Variants in RORA observed in about 807,000 individuals in gnomAD.
RORA encodes the protein RAR related orphan receptor A.
A neutral mutation model predicts 69.5 loss-of-function variants in RORA; 7 were observed. The ratio of observed to expected loss-of-function variants is 0.10; its 90% CI spans 0.06 to 0.19. RORA has a LOEUF of 0.19. RORA is among the 10% of genes least tolerant of loss of function. The pLI is 1.00. For missense variants in RORA, 457 were observed against 663.0 expected (o/e 0.69, Z 3.41); for synonymous variants, 261 against 240.8 (o/e 1.08, Z -0.78).
At chr15:60,759,745 G>A (rs924613087) in intron 1 of RORA, among the ~76,000 whole-genome samples, 4 of 152,230 alleles carry the variant, frequency 2.6e-5, no homozygotes, top group Admixed American at 2.0e-4. Context: ...GGAGCTGCCA[G>A]TTTCATTTTC....
chr15:60,518,307 C>T (rs571442080), intron 3 of RORA, among the ~76,000 whole-genome samples: 14 of 152,324 alleles, frequency 9.2e-5, no homozygotes, highest in African/African-American at 2.9e-4. Context: ...TAATAAAGTC[C>T]AAGACTGTTA....
rs28470535 is a variant in RORA, at chr15:60,523,589, G to A, written c.282+8177C>T. Reference sequence around the variant, plus strand: ...TGCTGTGTCACCAGCTCTCCATCACGTTGTTTCAATGCTTCCCCCTGACTT... The same window carrying A: ...TGCTGTGTCACCAGCTCTCCATCACATTGTTTCAATGCTTCCCCCTGACTT... On this transcript the variant is annotated intron_variant, in intron 3 of 10. Transcript: ENST00000335670. Among the ~76,000 whole-genome samples the A allele has an allele frequency of 3.8e-3, 577 of 152,236 alleles. 3 individuals carry two copies. Among genetic ancestry groups the A allele is most frequent in the African/African-American group, 0.013 (538 of 41,546 alleles).
chr15:60,553,671 A>G (rs527721803), intron 2 of RORA, among the ~76,000 whole-genome samples: 1 of 152,294 alleles, frequency 6.6e-6, no homozygotes, highest in South Asian at 2.1e-4. Context: ...GGCAGGGCAT[A>G]CATTTCCCCT....
chr15:60,726,647 T>C (rs964993829), intron 1 of RORA, among the ~76,000 whole-genome samples: 3 of 152,216 alleles, frequency 2.0e-5, no homozygotes, highest in Non-Finnish European at 4.4e-5. Flanking sequence ...TACAGCCTCG[T>C]CTGCATGTGT....
intron 1 of RORA, among the ~76,000 whole-genome samples, chr15:60,773,460 G>T (rs1567185639): frequency 6.6e-6 from 1 of 152,098 alleles, no homozygotes; most frequent in Non-Finnish European, 1.5e-5. Flanking sequence ...CGCAATCACA[G>T]CTGAGTTATG....
intron 1 of RORA, among the ~76,000 whole-genome samples, chr15:60,719,228 A>T (rs888078594): frequency 6.6e-6 from 1 of 152,106 alleles, no homozygotes; most frequent in African/African-American, 2.4e-5. Context: ...ATTTAAAAAT[A>T]TATACAGTGA....
At chr15:60,575,539 CA>C (rs945694661) in intron 2 of RORA, among the ~76,000 whole-genome samples, 3 of 148,006 alleles carry the variant, frequency 2.0e-5, no homozygotes, top group African/African-American at 2.5e-5. Context: ...ATATGATTTA[CA>C]AAAAAAAAAT....
At chr15:61,081,807 C>CA (rs59591650) in intron 1 of RORA, among the ~76,000 whole-genome samples, 27,685 of 105,310 alleles carry the variant, frequency 0.26, 2,970 homozygotes, top group Middle Eastern at 0.37. Context: ...GACTCTGTCT[C>CA]AAAAAAAAAA....
At chr15:60,733,238 T>C (rs928267057) in intron 1 of RORA, among the ~76,000 whole-genome samples, 2 of 152,236 alleles carry the variant, frequency 1.3e-5, no homozygotes, top group Non-Finnish European at 2.9e-5. Context: ...CCCCCTGCTT[T>C]CTTGGGGTGA....
intron 2 of RORA, chr15:60,615,165 G>C: frequency 1.8e-6 from 2 of 1,090,298 alleles, no homozygotes; most frequent in Non-Finnish European, 2.6e-6. Flanking sequence ...CTTAGTGCTA[G>C]TGCACTTGGC....
intron 1 of RORA, among the ~76,000 whole-genome samples, chr15:61,148,937 G>C (rs1377187740): frequency 1.3e-5 from 2 of 152,192 alleles, no homozygotes; most frequent in African/African-American, 2.4e-5. Context: ...AGGGGCAGCT[G>C]CATCTACGGA....
At chr15:61,183,710 T>C (rs1217447277) in intron 1 of RORA, among the ~76,000 whole-genome samples, 2 of 152,178 alleles carry the variant, frequency 1.3e-5, no homozygotes, top group Non-Finnish European at 2.9e-5. Flanking sequence ...TACCCATCTC[T>C]TAAAAATGGT....
At chr15:61,041,564 C>A (rs1458726816) in intron 1 of RORA, among the ~76,000 whole-genome samples, 1 of 152,086 alleles carries the variant, frequency 6.6e-6, no homozygotes, top group African/African-American at 2.4e-5. Context: ...CATTTATTTA[C>A]TTTATTTATT....
At chr15:60,830,584 A>T (rs1358841211) in intron 1 of RORA, among the ~76,000 whole-genome samples, 1 of 152,202 alleles carries the variant, frequency 6.6e-6, no homozygotes, top group East Asian at 1.9e-4. Flanking sequence ...TGGCTTCTGT[A>T]ACTGTCTTAG....
At chr15:60,709,921 G>C (rs1280985042) in intron 1 of RORA, among the ~76,000 whole-genome samples, 2 of 152,100 alleles carry the variant, frequency 1.3e-5, no homozygotes, top group Non-Finnish European at 2.9e-5. Flanking sequence ...GGGGACTGTT[G>C]CTTTAGACCA....
Position 61,148,432 on chromosome 15 carries a change from G to A in RORA, c.166+80621C>T, listed in dbSNP as rs1596027536. 2.0e-5 allele frequency among the ~76,000 whole-genome samples: 3 copies of A among 152,220 alleles called. No homozygotes were observed. The East Asian group carries it at 5.8e-4, about 29-fold the overall frequency. On this transcript the variant is annotated intron_variant, in intron 1 of 10. Transcript: ENST00000335670. ...TTAAATGGTCCACTAGACTACAAAGGCAGCAAAAGGGATCTTTTACCCGGG... is the reference window on the plus strand; with the variant it reads ...TTAAATGGTCCACTAGACTACAAAGACAGCAAAAGGGATCTTTTACCCGGG...
At chr15:60,503,889 G>C (rs2141278087) in intron 6 of RORA, among the ~76,000 whole-genome samples, 1 of 152,240 alleles carries the variant, frequency 6.6e-6, no homozygotes, top group African/African-American at 2.4e-5. Flanking sequence ...TGCAACCTCT[G>C]CCTCCTGGGT....
chr15:60,837,411 G>A (rs970118753), intron 1 of RORA, among the ~76,000 whole-genome samples: 4 of 152,170 alleles, frequency 2.6e-5, no homozygotes, highest in African/African-American at 7.2e-5. Flanking sequence ...TAATAATTAC[G>A]AAGCAAGAAG....
intron 1 of RORA, among the ~76,000 whole-genome samples, chr15:60,981,266 A>G (rs1054056174): frequency 4.6e-5 from 7 of 152,044 alleles, no homozygotes; most frequent in Non-Finnish European, 1.0e-4. Flanking sequence ...CAACAGTTTG[A>G]TTATGATGTA....
Sources: gnomAD v4.1 joint callset for allele counts (sites outside exome capture counted in the v4.1 genomes callset) on GRCh38, gnomAD v4.1.1 for gene constraint, MANE v1.5 for transcripts, NCBI Gene and HGNC (gene_info 2026-07-23, HGNC 2026-07-21) for gene names.